Variants in CHD9 observed in about 807,000 individuals in gnomAD.
CHD9 encodes ATP-dependent chromatin remodeler CHD9.
In CHD9, 77 loss-of-function variants were observed where a neutral mutation model predicts 316.1. The observed-to-expected ratio is 0.24, with a 90% CI of 0.20 to 0.29. CHD9 has a LOEUF of 0.29. Ranked by LOEUF, CHD9 falls within the 10% of genes least tolerant of loss-of-function variation. The pLI is 1.00. For synonymous variants in CHD9, 1,129 were observed against 1,158.3 expected, an observed-to-expected ratio of 0.97 and a Z score of 0.51; for missense variants, 2,763 against 3,438.1, an observed-to-expected ratio of 0.80 and a Z score of 4.91.
At chr16:53,285,508 C>T in intron 24 of CHD9, 88 bp from the exon 25 acceptor site, 1 of 600,940 alleles carries the variant, frequency 1.7e-6, no homozygotes, top group East Asian at 3.0e-5. Flanking sequence ...TCTTGAAAGC[C>T]ACAGTGCTTT....
intron 3 of CHD9, among the ~76,000 whole-genome samples, chr16:53,213,685 T>C (rs896261527): frequency 1.3e-5 from 2 of 152,220 alleles, no homozygotes; most frequent in African/African-American, 4.8e-5. Flanking sequence ...GGTTTTAGAT[T>C]ATCGAATGGG....
At chr16:53,058,579 G>C (rs191605858) in intron 1 of CHD9, among the ~76,000 whole-genome samples, 17 of 152,340 alleles carry the variant, frequency 1.1e-4, no homozygotes, top group Admixed American at 4.6e-4. Context: ...AGAGCCAGTG[G>C]GCAGGGAGTG....
intron 16 of CHD9, among the ~76,000 whole-genome samples, chr16:53,249,207 G>C (rs955487742): frequency 6.6e-6 from 1 of 152,074 alleles, no homozygotes; most frequent in Non-Finnish European, 1.5e-5. Context: ...AGATAACCGC[G>C]GAGAGACTGC....
chr16:53,120,482 G>C (rs111830022), intron 1 of CHD9, among the ~76,000 whole-genome samples: 3 of 151,926 alleles, frequency 2.0e-5, no homozygotes, highest in South Asian at 2.1e-4. Context: ...GTGTGGTGGC[G>C]CATGCCTGTA....
chr16:53,228,961 A>G, intron 7 of CHD9, 22 bp from the exon 8 acceptor site: 1 of 1,107,208 alleles, frequency 9.0e-7, no homozygotes, highest in South Asian at 1.7e-5. Flanking sequence ...ATTCTAATAT[A>G]TTATTTTTAT....
intron 1 of CHD9, among the ~76,000 whole-genome samples, chr16:53,145,308 T>A (rs2040479950): frequency 6.6e-6 from 1 of 151,750 alleles, no homozygotes; most frequent in South Asian, 2.1e-4. Flanking sequence ...TGCACCACCA[T>A]GCCTCACTAA....
chr16:53,092,296 A>G (rs1396367215), intron 1 of CHD9, among the ~76,000 whole-genome samples: 3 of 150,698 alleles, frequency 2.0e-5, no homozygotes, highest in Admixed American at 2.0e-4. Flanking sequence ...TCTTCCACCC[A>G]TTTCTAGTTT....
rs1022370322 is a variant in CHD9 at position 53,322,001 on chromosome 16, T to C, written c.7818+371T>C. ...GCAATTTTTTTTCTTTTTCTTTTTCTTTTTTTTTTTTTTTTAGACAGGATC... is the reference window on the plus strand; with the variant it reads ...GCAATTTTTTTTCTTTTTCTTTTTCCTTTTTTTTTTTTTTTAGACAGGATC... On this transcript the variant is annotated intron_variant, in intron 38 of 38. Transcript: ENST00000447540. Among the ~76,000 whole-genome samples, 82 of 63,520 alleles carry C rather than the reference T, an allele frequency of 1.3e-3. 1 individual carries two copies. Among genetic ancestry groups the C allele is most frequent in the Admixed American group, 4.4e-3 (34 of 7,710 alleles). 41.7% of individuals were successfully genotyped at this position (63,520 alleles called of 152,430 possible).
At chr16:53,250,463 G>A (rs935220398) in intron 17 of CHD9, 2 of 156,840 alleles carry the variant, frequency 1.3e-5, no homozygotes, top group South Asian at 1.9e-4. Flanking sequence ...ATCACGCCTG[G>A]CCTGATATTT....
At chr16:53,318,056 C>CA (rs990920667) in intron 36 of CHD9, among the ~76,000 whole-genome samples, 156 bp from the exon 37 acceptor site, 53 of 148,584 alleles carry the variant, frequency 3.6e-4, no homozygotes, top group Non-Finnish European at 3.6e-4. Context: ...GACCCTGTCT[C>CA]AAAAAAAAAT....
At chr16:53,232,232 C>T (rs2048239368) in intron 10 of CHD9, among the ~76,000 whole-genome samples, 1 of 152,096 alleles carries the variant, frequency 6.6e-6, no homozygotes, top group African/African-American at 2.4e-5. Flanking sequence ...AGAAGCGTCA[C>T]CTAATTCAGA....
At chr16:53,302,930 AAACTG>A (rs2055579491) in intron 30 of CHD9, among the ~76,000 whole-genome samples, 1 of 152,216 alleles carries the variant, frequency 6.6e-6, no homozygotes. Context: ...GTTCATGTTG[AAACTG>A]AACTATCTCA....
intron 1 of CHD9, among the ~76,000 whole-genome samples, chr16:53,106,161 C>T (rs777022879): frequency 2.0e-5 from 3 of 152,130 alleles, no homozygotes; most frequent in Non-Finnish European, 2.9e-5. Context: ...GCTAAAGTGG[C>T]CTGTTTCTCA....
At chr16:53,162,075 A>G (rs2041951208) in intron 2 of CHD9, among the ~76,000 whole-genome samples, 1 of 152,076 alleles carries the variant, frequency 6.6e-6, no homozygotes, top group Non-Finnish European at 1.5e-5. Context: ...AAATTTCCCA[A>G]CTATAGTGGG....
chr16:53,181,462 C>G (rs1055638773), intron 2 of CHD9, among the ~76,000 whole-genome samples: 1 of 151,988 alleles, frequency 6.6e-6, no homozygotes, highest in African/African-American at 2.4e-5. Flanking sequence ...AAGTAATATA[C>G]TTAAGCAAAA....
intron 2 of CHD9, among the ~76,000 whole-genome samples, chr16:53,204,057 AT>A (rs2045688333): frequency 4.9e-5 from 3 of 60,998 alleles, no homozygotes; most frequent in South Asian, 7.7e-4. Context: ...AAATATATAT[AT>A]ACACACACAC....
chr16:53,314,443 A>G lies in CHD9; in HGVS notation c.7289A>G (p.Lys2430Arg), dbSNP rs373995845. ...VILDNQPIVK[K>R]RRGRRKNVEG... ...TTAGACAACCAGCCTATAGTCAAAA[A>G]AAGGCGAGGAAGGAGGAAGAATGTA... The change falls in exon 35 of 39, where the codon AAA (lysine) becomes AGA (arginine). Residue 2430 changes from lysine to arginine, a missense_variant. By Grantham distance (26) the Lys-to-Arg change is conservative. This residue lies in a region of CHD9 where 663 missense variants were observed against 751.2 expected (regional missense o/e 0.88). Coordinates refer to ENST00000447540, the MANE Select transcript of CHD9 (RefSeq NM_001308319.2). 2 of 1,587,850 alleles carry G rather than the reference A, an allele frequency of 1.3e-6. No individual in the cohort carries two copies. The highest frequency in any genetic ancestry group is 2.7e-5 in the African/African-American group (2 of 74,472).
chr16:53,197,942 G>A (rs2045080050), intron 2 of CHD9, among the ~76,000 whole-genome samples: 1 of 152,106 alleles, frequency 6.6e-6, no homozygotes, highest in Non-Finnish European at 1.5e-5. Flanking sequence ...ACAGACATGA[G>A]CCACCATGCC....
In CHD9 at chr16:53,306,278, G is replaced by A. The variant is rs752534215; in HGVS notation, c.6661G>A (p.Ala2221Thr). ...HMKAYDEESVASLSTTQDETQ... is the reference protein window; with the variant it reads ...HMKAYDEESVTSLSTTQDETQ... ...GAAAGCCTATGATGAAGAAAGCGTC[G>A]CGTCACTGAGCACTACCCAGGATGA... The change falls in exon 32 of 39, where the codon GCG becomes ACG. Residue 2221 changes from alanine (A) to threonine (T), a missense_variant. Ala to Thr is a moderately conservative substitution (Grantham distance 58). Around this residue, in one of 15 missense-constraint regions of CHD9, gnomAD observed 663 missense variants for 751.2 expected, o/e 0.88. Transcript: ENST00000447540. 11 of 1,592,830 alleles carry A rather than the reference G, an allele frequency of 6.9e-6. No individual in the cohort carries two copies. The African/African-American group carries it at 8.2e-5, about 12-fold the overall frequency.
Sources: gnomAD v4.1 joint callset for allele counts (sites outside exome capture counted in the v4.1 genomes callset) on GRCh38, gnomAD v4.1.1 for gene constraint, gnomAD v4.1.1 regional missense constraint, MANE v1.5 for transcripts, NCBI Gene and HGNC (gene_info 2026-07-23, HGNC 2026-07-21) for gene names.